The following TAF4 variants were observed in gnomAD, a reference collection of about 807,000 sequenced individuals.
TAF4 encodes the protein transcription initiation factor TFIID subunit 4.
A neutral mutation model predicts 90.3 loss-of-function variants in TAF4; 9 were observed. The observed-to-expected ratio is 0.10, with a 90% CI of 0.06 to 0.17. The LOEUF (loss-of-function observed/expected upper bound fraction) is 0.17, where lower values mean the gene tolerates loss of function less well. Among genes scored for constraint, TAF4 ranks in the 10% least tolerant of loss-of-function variants. TAF4 has a pLI of 1.00. For synonymous variants in TAF4, 818 were observed against 638.9 expected (o/e 1.28, Z -4.23); for missense variants, 1,351 against 1,370.7 (o/e 0.99, Z 0.23).
At chr20:62,060,919 G>A (rs1475697971) in intron 1 of TAF4, among the ~76,000 whole-genome samples, 4 of 152,194 alleles carry the variant, frequency 2.6e-5, no homozygotes, top group African/African-American at 9.7e-5. Context: ...TGAAAAATGA[G>A]GGGAACTGGG....
At chr20:62,016,387 C>A (rs1353244557) in intron 1 of TAF4, among the ~76,000 whole-genome samples, 1 of 152,184 alleles carries the variant, frequency 6.6e-6, no homozygotes, top group Non-Finnish European at 1.5e-5. Flanking sequence ...TGGCTGGGCA[C>A]CATCTAATCA....
At chr20:62,014,833 C>G (rs1600844621) in intron 1 of TAF4, 126 bp from the exon 2 acceptor site, 1 of 1,278,724 alleles carries the variant, frequency 7.8e-7, no homozygotes, top group Non-Finnish European at 1.1e-6. Flanking sequence ...CTTAAACACA[C>G]GAATCCCCCA....
intron 1 of TAF4, among the ~76,000 whole-genome samples, chr20:62,060,519 G>C (rs2056083654): frequency 6.6e-6 from 1 of 152,230 alleles, no homozygotes; most frequent in Non-Finnish European, 1.5e-5. Flanking sequence ...CATCCCGAAG[G>C]CGATGGTGAC....
At chr20:62,044,450 C>T (rs2055981572) in intron 1 of TAF4, among the ~76,000 whole-genome samples, 1 of 152,084 alleles carries the variant, frequency 6.6e-6, no homozygotes, top group South Asian at 2.1e-4. Context: ...TGAAAACAAA[C>T]CAAAACATAA....
At chr20:62,023,873 AG>A (rs1266441097) in intron 1 of TAF4, among the ~76,000 whole-genome samples, 1 of 152,030 alleles carries the variant, frequency 6.6e-6, no homozygotes, top group Non-Finnish European at 1.5e-5. Flanking sequence ...GCCTGAGGTC[AG>A]GAGTTCAAGA....
intron 4 of TAF4, 99 bp downstream of exon 4, chr20:62,009,947 G>A (rs1318112224): frequency 4.5e-6 from 7 of 1,571,474 alleles, no homozygotes; most frequent in Non-Finnish European, 2.6e-6. Context: ...GCAGTGAGCG[G>A]TCTGGGACAG....
At position 62,064,562 on chromosome 20, in the gene TAF4, T is replaced by C. The variant is rs1381314780; in HGVS notation, c.1249A>G (p.Thr417Ala). Residue 417 changes from threonine to alanine, a missense_variant, in exon 1 of 15, where the codon ACG becomes GCG. Physicochemically the swap from Thr to Ala is moderately conservative, Grantham distance 58 (BLOSUM62 0). Around this residue, in one of 9 missense-constraint regions of TAF4, gnomAD observed 782 missense variants for 536.6 expected, o/e 1.46. Transcript: ENST00000252996. Reference sequence around the variant, plus strand: ...GCCCGAATCCCGCTGGTGGTGGCCGTGGGCGTCCGGGACAGGCTCTGGGTC... The same window carrying C: ...GCCCGAATCCCGCTGGTGGTGGCCGCGGGCGTCCGGGACAGGCTCTGGGTC... ...AVTQSLSRTP[T>A]ATTSGIRATL... 6.6e-6 allele frequency: 10 copies of C among 1,517,048 alleles called. No homozygotes were observed. The African/African-American group carries it at 1.1e-4, about 17-fold the overall frequency. 94.0% of individuals were successfully genotyped at this position (1,517,048 alleles called of 1,614,324 possible).
chr20:62,001,687 G>A (rs150941231), intron 9 of TAF4, among the ~76,000 whole-genome samples: 1 of 152,262 alleles, frequency 6.6e-6, no homozygotes, highest in Non-Finnish European at 1.5e-5. Context: ...ACGGGCTGTG[G>A]CTGGGCTGCA....
intron 3 of TAF4, among the ~76,000 whole-genome samples, chr20:62,011,881 A>C (rs2055780489): frequency 6.6e-6 from 1 of 152,172 alleles, no homozygotes; most frequent in African/African-American, 2.4e-5. Flanking sequence ...CCAGGTGACC[A>C]AGAAAAACCC....
chr20:62,052,712 C>A (rs2056036394), intron 1 of TAF4, among the ~76,000 whole-genome samples: 1 of 148,778 alleles, frequency 6.7e-6, no homozygotes, highest in African/African-American at 2.5e-5. Context: ...CCTCGCGCCA[C>A]CCCCCACACC....
chr20:61,999,830 T>C (rs1238752416), intron 11 of TAF4, among the ~76,000 whole-genome samples: 1 of 152,160 alleles, frequency 6.6e-6, no homozygotes, highest in Non-Finnish European at 1.5e-5. Context: ...GCGCCTGTAA[T>C]CCCAGCTACT....
intron 1 of TAF4, among the ~76,000 whole-genome samples, chr20:62,045,158 G>T (rs973321870): frequency 6.6e-6 from 1 of 152,236 alleles, no homozygotes; most frequent in Non-Finnish European, 1.5e-5. Flanking sequence ...TGCAGGAAGA[G>T]AACTCGCAAA....
At chr20:62,005,161 G>A (rs2055736372) in intron 7 of TAF4, 4 of 152,146 alleles carry the variant, frequency 2.6e-5, no homozygotes, top group Admixed American at 2.6e-4. Context: ...GCTCAGGCCA[G>A]GCCCTGCGGC....
chr20:61,982,167 C>CACCTGAGAGGAAACACCAAACCCA (rs1568920657), intron 14 of TAF4, among the ~76,000 whole-genome samples: 6 of 131,124 alleles, frequency 4.6e-5, no homozygotes, highest in Admixed American at 7.5e-5. Context: ...AACTCACACC[C>CACCTGAGAGGAAACACCAAACCCA]CACCCGAGAG....
intron 1 of TAF4, among the ~76,000 whole-genome samples, chr20:62,018,983 A>T (rs1445523286): frequency 6.9e-6 from 1 of 145,082 alleles, no homozygotes; most frequent in East Asian, 2.0e-4. Flanking sequence ...TCCCCAGCTC[A>T]CAGCCCCTCT....
rs867475832 is a variant in TAF4 at position 61,975,928 on chromosome 20, G to A, written c.*240C>T. ...TCTTTATATATGGCTTGTTTGGCAG[G>A]AAGGCCACTCAATCAAGATGAGTTA... On this transcript the variant is annotated 3_prime_UTR_variant, in exon 15 of 15. Transcript: ENST00000252996. 2.0e-6 allele frequency: 1 copy of A among 511,186 alleles called. No homozygotes were observed. 31.7% of individuals were successfully genotyped at this position (511,186 alleles called of 1,614,324 possible).
chr20:62,015,597 G>A lies in TAF4; in HGVS notation c.1361-890C>T, dbSNP rs553082737. On this transcript the variant is annotated intron_variant, in intron 1 of 14. Transcript: ENST00000252996. ...ACACGTGCAATGAGGCACCGCCACCGGCCGTCCCCACCACCCATCACACAC... is the reference window on the plus strand; with the variant it reads ...ACACGTGCAATGAGGCACCGCCACCAGCCGTCCCCACCACCCATCACACAC... 5.3e-5 allele frequency among the ~76,000 whole-genome samples: 8 copies of A among 152,258 alleles called. No homozygotes were observed. The East Asian group carries it at 9.7e-4, about 18-fold the overall frequency.
rs1014246348 is a variant in TAF4 at position 61,976,179 on chromosome 20, A to G, written c.3247T>C (p.Phe1083Leu). Reference protein sequence around the residue: ...TSHSLLLYKAFLK With the variant: ...TSHSLLLYKALLK The stretch of plus-strand genomic sequence containing the variant: ...GGCGTCCTCCTGTGTCACTTAAGGA[A>G]TGCTTTGTAGAGCAGCAGTGAATGG... The change falls in exon 15 of 15, where the codon TTC becomes CTC. Residue 1083 changes from phenylalanine to leucine, a missense_variant. Coordinates refer to ENST00000252996, the MANE Select transcript of TAF4 (RefSeq NM_003185.4). The G allele has an allele frequency of 6.2e-6, 10 of 1,613,922 alleles. No individual in the cohort carries two copies. The highest frequency in any genetic ancestry group is 8.5e-6 in the Non-Finnish European group (10 of 1,180,002).
At chr20:62,055,008 T>C (rs1387736482) in intron 1 of TAF4, among the ~76,000 whole-genome samples, 1 of 151,364 alleles carries the variant, frequency 6.6e-6, no homozygotes, top group East Asian at 2.0e-4. Context: ...CCCAGGCCCC[T>C]GCCACAACCA....
Sources: allele counts gnomAD v4.1 joint callset (sites outside exome capture counted in the v4.1 genomes callset), GRCh38; gene constraint gnomAD v4.1.1; regional missense constraint gnomAD v4.1.1; transcripts MANE v1.5; gene names NCBI Gene and HGNC (gene_info 2026-07-23, HGNC 2026-07-21).